The following OPRM1 variants were observed in gnomAD, a reference collection of about 807,000 sequenced individuals.
OPRM1 encodes mu-type opioid receptor.
In OPRM1, 27 loss-of-function variants were observed where a neutral mutation model predicts 31.8. The ratio of observed to expected loss-of-function variants is 0.85; its 90% confidence interval spans 0.63 to 1.17. The LOEUF is 1.17. OPRM1 is among the 50% of genes most tolerant of loss of function. The pLI is 0.00. For synonymous variants in OPRM1, 196 were observed against 189.9 expected (o/e 1.03, Z -0.26); for missense variants, 536 against 511.1 (o/e 1.05, Z -0.47).
chr6:154,180,415 T>TATATATATATATC (rs1491475267), intron 3 of OPRM1, among the ~76,000 whole-genome samples: 1 of 29,338 alleles, frequency 3.4e-5, no homozygotes. Flanking sequence ...TATATATATA[T>TATATATATATATC]TTTTTTTTTA....
intron 3 of OPRM1, among the ~76,000 whole-genome samples, chr6:154,236,591 C>T (rs1469278142): frequency 2.0e-5 from 3 of 152,278 alleles, no homozygotes; most frequent in African/African-American, 7.2e-5. Context: ...ACTCTGAAAT[C>T]GTTATTTGTC....
intron 1 of OPRM1, among the ~76,000 whole-genome samples, chr6:154,068,864 C>G (rs190920641): frequency 5.3e-5 from 8 of 152,306 alleles, no homozygotes; most frequent in African/African-American, 1.9e-4. Context: ...ATCCTTGCCA[C>G]CACTTACCTT....
chr6:154,091,012 A>T lies in OPRM1; in HGVS notation c.704A>T (p.Lys235Met), dbSNP rs767947264. The stretch of plus-strand genomic sequence containing the variant: ...ACCTGGTACTGGGAAAACCTGCTGA[A>T]GATCTGTGTTTTCATCTTCGCCTTC... ...HPTWYWENLL[K>M]ICVFIFAFIM... The change falls in exon 3 of 4, where the codon AAG becomes ATG. Residue 235 changes from lysine (K) to methionine (M), a missense_variant. Coordinates refer to ENST00000330432, the MANE Select transcript of OPRM1 (RefSeq NM_000914.5). 3 of 1,614,166 alleles carry T rather than the reference A, an allele frequency of 1.9e-6. No individual in the cohort carries two copies. Among genetic ancestry groups the T allele is most frequent in the Non-Finnish European group, 1.7e-6 (2 of 1,179,984 alleles).
intron 3 of OPRM1, among the ~76,000 whole-genome samples, chr6:154,204,443 ATAT>A (rs1053017436): frequency 6.6e-6 from 1 of 152,194 alleles, no homozygotes; most frequent in Non-Finnish European, 1.5e-5. Flanking sequence ...TGTATTGGCC[ATAT>A]TAGCAAAAAC....
At chr6:154,093,495 A>T in intron 3 of OPRM1, 2 of 1,605,774 alleles carry the variant, frequency 1.2e-6, no homozygotes, top group Non-Finnish European at 1.7e-6. Flanking sequence ...TCCCTTCCAA[A>T]TTCGGCATTT....
At chr6:154,099,375 G>GAGAA (rs1041551097) in intron 3 of OPRM1, among the ~76,000 whole-genome samples, 1 of 143,582 alleles carries the variant, frequency 7.0e-6, no homozygotes, top group Non-Finnish European at 1.5e-5. Context: ...GAGAAAGAAA[G>GAGAA]AGAAAGAAAG....
chr6:154,151,553 G>A (rs2128541574), intron 3 of OPRM1, among the ~76,000 whole-genome samples: 1 of 152,252 alleles, frequency 6.6e-6, no homozygotes, highest in African/African-American at 2.4e-5. Context: ...AAGGAGCACG[G>A]TATTTGCTGC....
intron 1 of OPRM1, among the ~76,000 whole-genome samples, chr6:154,015,233 T>A (rs1330132911): frequency 6.6e-6 from 1 of 152,116 alleles, no homozygotes; most frequent in Non-Finnish European, 1.5e-5. Context: ...GTGGCCAGTC[T>A]TATTTGTTAT....
chr6:154,041,461 C>T (rs1780043786), intron 1 of OPRM1, among the ~76,000 whole-genome samples: 1 of 152,054 alleles, frequency 6.6e-6, no homozygotes, highest in Admixed American at 6.5e-5. Flanking sequence ...AAATATGTTT[C>T]TCATTTTTTC....
At chr6:154,229,011 A>G (rs1779491008) in intron 3 of OPRM1, among the ~76,000 whole-genome samples, 1 of 152,226 alleles carries the variant, frequency 6.6e-6, no homozygotes, top group South Asian at 2.1e-4. Flanking sequence ...TCCAGGATTC[A>G]ACTTAGGTGT....
At chr6:154,048,240 A>G (rs550397620) in intron 1 of OPRM1, among the ~76,000 whole-genome samples, 7 of 152,280 alleles carry the variant, frequency 4.6e-5, no homozygotes, top group South Asian at 2.1e-4. Context: ...TTCCTTCACT[A>G]TCTTCCAATA....
intron 1 of OPRM1, among the ~76,000 whole-genome samples, chr6:154,011,979 C>T (rs1004570688): frequency 4.6e-5 from 7 of 152,114 alleles, no homozygotes; most frequent in Non-Finnish European, 1.0e-4. Context: ...AGTTATTGGA[C>T]TTCCACTTCC....
intron 3 of OPRM1, among the ~76,000 whole-genome samples, chr6:154,100,594 T>C (rs1323043): frequency 0.82 from 123,909 of 151,550 alleles, 51,108 homozygotes; most frequent in East Asian, 0.92. Context: ...TGAATATTGG[T>C]CCTCTCAGTT....
chr6:154,237,786 A>G (rs1780250471), intron 3 of OPRM1, among the ~76,000 whole-genome samples: 2 of 152,166 alleles, frequency 1.3e-5, no homozygotes, highest in Non-Finnish European at 2.9e-5. Flanking sequence ...AATTATATAC[A>G]CACACATATA....
chr6:154,067,135 T>C lies in OPRM1; in HGVS notation c.291-22691T>C, dbSNP rs1785591954. ...TTGGAAAACCAATTTTTGTCTTCGT[T>C]CACTTTCTCTATTTTTTTTTAGTTT... On this transcript the variant is annotated intron_variant, in intron 1 of 3. Coordinates refer to ENST00000330432, the MANE Select transcript of OPRM1 (RefSeq NM_000914.5). Among the ~76,000 whole-genome samples, 4 of 150,002 alleles carry C rather than the reference T, an allele frequency of 2.7e-5. No homozygotes were observed. The South Asian group carries it at 8.3e-4, about 31-fold the overall frequency.
At chr6:154,142,085 G>T (rs943872702) in intron 3 of OPRM1, among the ~76,000 whole-genome samples, 1 of 143,898 alleles carries the variant, frequency 6.9e-6, no homozygotes, top group Non-Finnish European at 1.5e-5. Context: ...CAACTCTCAC[G>T]CTCTGGACCT....
At chr6:154,224,893 G>A (rs1033651031) in intron 3 of OPRM1, among the ~76,000 whole-genome samples, 7 of 151,996 alleles carry the variant, frequency 4.6e-5, no homozygotes, top group African/African-American at 1.5e-4. Context: ...GCTGATTCTC[G>A]AAGAGAATAT....
intron 3 of OPRM1, among the ~76,000 whole-genome samples, chr6:154,161,707 T>A (rs1799032832): frequency 2.0e-5 from 3 of 152,142 alleles, no homozygotes; most frequent in Admixed American, 1.3e-4. Flanking sequence ...TTCTAAAGCT[T>A]AAAGAAGATG....
intron 1 of OPRM1, among the ~76,000 whole-genome samples, chr6:154,015,904 G>A (rs1777976992): frequency 6.6e-6 from 1 of 151,940 alleles, no homozygotes; most frequent in African/African-American, 2.4e-5. Flanking sequence ...AAACTACACT[G>A]AGATATCATT....
Sources: allele counts gnomAD v4.1 joint callset (sites outside exome capture counted in the v4.1 genomes callset), GRCh38; gene constraint gnomAD v4.1.1; transcripts MANE v1.5; gene names NCBI Gene and HGNC (gene_info 2026-07-23, HGNC 2026-07-21).